The following NUBPL variants were observed in gnomAD, a reference collection of about 807,000 sequenced individuals.
NUBPL encodes NUBP iron-sulfur cluster assembly factor, mitochondrial, also known as iron-sulfur cluster transfer protein NUBPL.
NUBPL carries 31 observed loss-of-function variants against 45.7 expected under a neutral mutation model. The observed-to-expected ratio is 0.68, with a 90% CI of 0.51 to 0.92. The LOEUF is 0.92. Among genes scored for constraint, NUBPL ranks in the 40% least tolerant of loss-of-function variants. The pLI is 0.00. For missense variants in NUBPL, 401 were observed against 398.7 expected, an observed-to-expected ratio of 1.01 and a Z score of -0.05; for synonymous variants, 144 against 140.9, an observed-to-expected ratio of 1.02 and a Z score of -0.15.
chr14:31,728,264 A>T (rs2037970039), intron 6 of NUBPL, among the ~76,000 whole-genome samples: 1 of 151,932 alleles, frequency 6.6e-6, no homozygotes, highest in South Asian at 2.1e-4. Context: ...ACTGAGAGCC[A>T]CTCAAATGTA....
chr14:31,775,254 C>A (rs1358359408), intron 6 of NUBPL, among the ~76,000 whole-genome samples: 1 of 152,046 alleles, frequency 6.6e-6, no homozygotes, highest in African/African-American at 2.4e-5. Context: ...CCTGTCTCTA[C>A]TAAGAATACA....
intron 6 of NUBPL, among the ~76,000 whole-genome samples, chr14:31,680,371 T>C (rs2036802496): frequency 6.6e-6 from 1 of 152,136 alleles, no homozygotes; most frequent in Non-Finnish European, 1.5e-5. Context: ...TATCATGCCC[T>C]CTCTCAGGTT....
chr14:31,697,060 G>A (rs1224035816), intron 6 of NUBPL, among the ~76,000 whole-genome samples: 2 of 152,132 alleles, frequency 1.3e-5, no homozygotes, highest in African/African-American at 4.8e-5. Flanking sequence ...AGATGTTTGG[G>A]TCGTCTTTTG....
chr14:31,848,874 C>A (rs1953269), intron 9 of NUBPL, among the ~76,000 whole-genome samples: 15,374 of 152,096 alleles, frequency 0.1, 946 homozygotes, highest in Non-Finnish European at 0.14. Flanking sequence ...AAAAGAAATC[C>A]TTCATGATTC....
chr14:31,635,576 CT>C (rs1428280724), intron 4 of NUBPL, among the ~76,000 whole-genome samples: 1 of 151,768 alleles, frequency 6.6e-6, no homozygotes, highest in Admixed American at 6.6e-5. Context: ...GATGTGGGCT[CT>C]TTTTTGGTTC....
intron 6 of NUBPL, among the ~76,000 whole-genome samples, chr14:31,757,696 G>C (rs575038591): frequency 6.6e-6 from 1 of 152,068 alleles, no homozygotes; most frequent in African/African-American, 2.4e-5. Flanking sequence ...GTACATGAGG[G>C]TTCATGTACT....
intron 7 of NUBPL, among the ~76,000 whole-genome samples, chr14:31,813,188 C>A (rs1215155114): frequency 6.6e-6 from 1 of 151,910 alleles, no homozygotes; most frequent in Non-Finnish European, 1.5e-5. Flanking sequence ...GGGGTTTCAC[C>A]ATGTTAGCCA....
At chr14:31,609,010 A>AGAAG (rs1043668699) in intron 4 of NUBPL, among the ~76,000 whole-genome samples, 1 of 152,220 alleles carries the variant, frequency 6.6e-6, no homozygotes, top group Non-Finnish European at 1.5e-5. Context: ...CAGGAAGGAA[A>AGAAG]GAAGGAAGGA....
At chr14:31,644,524 T>A (rs1176430216) in intron 4 of NUBPL, among the ~76,000 whole-genome samples, 24 of 152,338 alleles carry the variant, frequency 1.6e-4, no homozygotes, top group Non-Finnish European at 4.4e-5. Flanking sequence ...ATACTTGATA[T>A]GATTTCTACT....
chr14:31,711,352 AG>A (rs1223127057), intron 6 of NUBPL, among the ~76,000 whole-genome samples: 3 of 152,176 alleles, frequency 2.0e-5, no homozygotes, highest in African/African-American at 7.2e-5. Context: ...TTGCCGCGCT[AG>A]TAGCTTTTAA....
chr14:31,674,580 T>A (rs1341599268), intron 6 of NUBPL, among the ~76,000 whole-genome samples: 1 of 152,158 alleles, frequency 6.6e-6, no homozygotes, highest in Non-Finnish European at 1.5e-5. Flanking sequence ...AATTCCTTTG[T>A]GACCTTGACC....
chr14:31,596,475 G>A (rs1313691210), intron 3 of NUBPL, among the ~76,000 whole-genome samples: 1 of 140,198 alleles, frequency 7.1e-6, no homozygotes, highest in Non-Finnish European at 1.6e-5. Context: ...ATGACATGTG[G>A]ACCAAATCCT....
chr14:31,774,830 T>G (rs1479407388), intron 6 of NUBPL, among the ~76,000 whole-genome samples: 1 of 152,112 alleles, frequency 6.6e-6, no homozygotes, highest in Non-Finnish European at 1.5e-5. Flanking sequence ...CCCTCTCCCC[T>G]CCATAGAGGT....
chr14:31,808,916 C>T (rs191184822), intron 7 of NUBPL, among the ~76,000 whole-genome samples: 2 of 152,236 alleles, frequency 1.3e-5, no homozygotes, highest in Admixed American at 6.5e-5. Context: ...TGATGGATTA[C>T]GTTTATTGAT....
intron 6 of NUBPL, among the ~76,000 whole-genome samples, chr14:31,713,328 T>C (rs1433715576): frequency 1.3e-5 from 2 of 152,214 alleles, no homozygotes; most frequent in Non-Finnish European, 2.9e-5. Context: ...TGAGTTCTTT[T>C]ATTAAGGCCA....
intron 6 of NUBPL, among the ~76,000 whole-genome samples, chr14:31,753,388 C>T (rs1030986390): frequency 4.6e-5 from 7 of 152,128 alleles, no homozygotes; most frequent in African/African-American, 1.7e-4. Flanking sequence ...TCCTCACACC[C>T]TGGGAGGCAT....
At chr14:31,775,138 C>G (rs915084122) in intron 6 of NUBPL, among the ~76,000 whole-genome samples, 1 of 152,180 alleles carries the variant, frequency 6.6e-6, no homozygotes, top group Non-Finnish European at 1.5e-5. Flanking sequence ...CCAAAAGTGG[C>G]TGGGCATGGT....
At chr14:31,623,080 T>A (rs1177909851) in intron 4 of NUBPL, among the ~76,000 whole-genome samples, 1 of 152,248 alleles carries the variant, frequency 6.6e-6, no homozygotes, top group Non-Finnish European at 1.5e-5. Flanking sequence ...ACCCCTTGCA[T>A]CAGCATGTCC....
intron 9 of NUBPL, 190 bp from the exon 10 acceptor site, chr14:31,849,929 A>G (rs925607830): frequency 1.6e-6 from 1 of 622,962 alleles, no homozygotes; most frequent in Admixed American, 2.6e-5. Flanking sequence ...TCACTGTACT[A>G]CTCTAAAATA....
Sources: gnomAD v4.1 joint callset for allele counts (sites outside exome capture counted in the v4.1 genomes callset) on GRCh38, gnomAD v4.1.1 for gene constraint, MANE v1.5 for transcripts, NCBI Gene and HGNC (gene_info 2026-07-23, HGNC 2026-07-21) for gene names.